Variants in TMEM126A observed in about 807,000 individuals in gnomAD.
TMEM126A encodes transmembrane protein 126A.
Under a neutral mutation model 18.3 loss-of-function variants are expected in TMEM126A, and 10 were observed. That is an observed-to-expected ratio of 0.55 (90% CI 0.34 to 0.93). The LOEUF (loss-of-function observed/expected upper bound fraction) is 0.93. Ranked by LOEUF, TMEM126A falls within the 40% of genes least tolerant of loss-of-function variation. The pLI is 0.02. For missense variants in TMEM126A, 246 were observed against 230.2 expected (o/e 1.07, Z -0.44); for synonymous variants, 68 against 78.1 (o/e 0.87, Z 0.68).
At chr11:85,651,181 G>T (rs1411395038) in intron 2 of TMEM126A, among the ~76,000 whole-genome samples, 1 of 151,174 alleles carries the variant, frequency 6.6e-6, no homozygotes, top group African/African-American at 2.4e-5. Context: ...ACACTTTGTT[G>T]ACAGTCAAGA....
intron 1 of TMEM126A, among the ~76,000 whole-genome samples, chr11:85,648,943 T>G (rs958608742): frequency 4.0e-5 from 6 of 151,426 alleles, no homozygotes; most frequent in African/African-American, 4.9e-5. Context: ...ACTGTTTTTT[T>G]TTTTTTTTTT....
At chr11:85,649,401 TTA>T (rs1354845770) in intron 1 of TMEM126A, among the ~76,000 whole-genome samples, 10 of 152,240 alleles carry the variant, frequency 6.6e-5, no homozygotes, top group Non-Finnish European at 1.0e-4. Context: ...AGAATGATTT[TTA>T]TGTTTTTATA....
At chr11:85,653,957 C>T (rs909855093) in intron 2 of TMEM126A, 106 bp from the exon 3 acceptor site, 6 of 1,307,442 alleles carry the variant, frequency 4.6e-6, no homozygotes, top group South Asian at 3.6e-5. Flanking sequence ...GGATAGATGT[C>T]GTATCCAGTT....
At position 85,655,710 on chromosome 11, in the gene TMEM126A, T is replaced by G. The variant is rs1267909713; in HGVS notation, c.395+2T>G. On this transcript the variant is annotated splice_donor_variant, in intron 4 of 4. Transcript: ENST00000304511. LOFTEE classifies it high-confidence loss of function. ...TGTAAATGGTGGTCTAGCAGCCAGG[T>G]AGGAAATAAAAAACTTTTTATAATA... 5.0e-6 allele frequency: 8 copies of G among 1,606,786 alleles called. No homozygotes were observed. Among genetic ancestry groups the G allele is most frequent in the Non-Finnish European group, 6.8e-6 (8 of 1,173,628 alleles).
chr11:85,654,071 T>C lies in TMEM126A; in HGVS notation c.95T>C (p.Leu32Pro). 2 of 1,614,194 alleles carry C rather than the reference T, an allele frequency of 1.2e-6. No homozygotes were observed. The highest frequency in any genetic ancestry group is 1.3e-5 in the African/African-American group (1 of 75,058). ...TCTTCTCACCCTTTCAGGAATCTAC[T>C]TGAAAATGGATCGGTTTATGTTGGA... The part of the protein sequence containing the change: ...NQLPEAERNL[L>P]ENGSVYVGLN... Residue 32 changes from leucine (L) to proline (P), a missense_variant, in exon 3 of 5, where the codon CTT (leucine) becomes CCT (proline). Leu to Pro is a moderately conservative substitution (Grantham distance 98). Transcript: ENST00000304511.
At chr11:85,654,289 G>A (rs759862219) in intron 3 of TMEM126A, 33 bp downstream of exon 3, 1 of 1,604,498 alleles carries the variant, frequency 6.2e-7, no homozygotes, top group Admixed American at 1.7e-5. Flanking sequence ...CAAAGAGTTT[G>A]CCTTAGTATA....
chr11:85,656,220 A>C, intron 4 of TMEM126A, 89 bp from the exon 5 acceptor site: 1 of 1,138,756 alleles, frequency 8.8e-7, no homozygotes, highest in Non-Finnish European at 1.3e-6. Flanking sequence ...TTTTATCTTA[A>C]GACTTCTAGG....
chr11:85,656,206 T>C (rs2082536896), intron 4 of TMEM126A, 103 bp from the exon 5 acceptor site: 3 of 1,020,708 alleles, frequency 2.9e-6, no homozygotes, highest in Non-Finnish European at 4.4e-6. Context: ...ACTTTAATAT[T>C]CAGTTTTATC....
intron 1 of TMEM126A, among the ~76,000 whole-genome samples, chr11:85,649,981 T>C (rs1474284192): frequency 6.6e-6 from 1 of 152,244 alleles, no homozygotes; most frequent in Non-Finnish European, 1.5e-5. Flanking sequence ...ACTTCAATAC[T>C]GTTAGTTTTA....
chr11:85,651,353 G>A (rs550869805), intron 2 of TMEM126A, among the ~76,000 whole-genome samples: 3 of 152,266 alleles, frequency 2.0e-5, no homozygotes, highest in Admixed American at 2.0e-4. Context: ...TGGGAGTAAG[G>A]ACCAGGAATA....
intron 4 of TMEM126A, 33 bp downstream of exon 4, chr11:85,655,741 T>A (rs1311279291): frequency 2.1e-6 from 3 of 1,445,558 alleles, no homozygotes; most frequent in Non-Finnish European, 2.9e-6. Context: ...TAATATGTGA[T>A]TACCTATAAA....
chr11:85,652,644 T>C (rs2082509499), intron 2 of TMEM126A, among the ~76,000 whole-genome samples: 1 of 152,168 alleles, frequency 6.6e-6, no homozygotes, highest in African/African-American at 2.4e-5. Context: ...AATTTTGTGC[T>C]AACTTTTAAT....
At chr11:85,654,421 C>T (rs969399626) in intron 3 of TMEM126A, among the ~76,000 whole-genome samples, 165 bp downstream of exon 3, 1 of 152,154 alleles carries the variant, frequency 6.6e-6, no homozygotes, top group Non-Finnish European at 1.5e-5. Flanking sequence ...TATGGTCTAC[C>T]AACCAAGATG....
intron 3 of TMEM126A, among the ~76,000 whole-genome samples, chr11:85,655,114 A>G (rs534383170): frequency 1.2e-4 from 18 of 152,316 alleles, no homozygotes; most frequent in Non-Finnish European, 7.4e-5. Flanking sequence ...ATTATTTCAA[A>G]TAAAAATATT....
chr11:85,651,209 A>ATTAT (rs2082497615), intron 2 of TMEM126A, among the ~76,000 whole-genome samples: 1 of 152,226 alleles, frequency 6.6e-6, no homozygotes. Flanking sequence ...TCTGACTATA[A>ATTAT]AAGGATGAAA....
At chr11:85,649,365 C>T (rs2082483368) in intron 1 of TMEM126A, among the ~76,000 whole-genome samples, 1 of 152,214 alleles carries the variant, frequency 6.6e-6, no homozygotes, top group Non-Finnish European at 1.5e-5. Flanking sequence ...CAGCCTATAG[C>T]TTGCCTTGGT....
rs140123526 is a variant in TMEM126A at position 85,656,405 on chromosome 11, G to A, written c.492G>A (p.Leu164=). The part of the protein sequence containing the change: ...PVFRKMLFPI[L]LQTMFSAYLG... Reference sequence around the variant, plus strand: ...TTAGAAAGATGTTATTTCCTATTTTGCTCCAGACTATGTTTTCAGCATACC... The same window carrying A: ...TTAGAAAGATGTTATTTCCTATTTTACTCCAGACTATGTTTTCAGCATACC... The change falls in exon 5 of 5, where the codon TTG becomes TTA. Residue 164 remains leucine (L), a synonymous_variant. Transcript: ENST00000304511. 245 of 1,613,036 alleles carry A rather than the reference G, an allele frequency of 1.5e-4. No homozygotes were observed. Among genetic ancestry groups the A allele is most frequent in the Non-Finnish European group, 1.8e-4 (214 of 1,179,562 alleles).
In TMEM126A at chr11:85,648,936, GTTT is replaced by G. The variant is rs760886814; in HGVS notation, c.-8+862_-8+864del. 7.6e-5 allele frequency among the ~76,000 whole-genome samples: 10 copies of G among 132,406 alleles called. No homozygotes were observed. In the South Asian group the frequency reaches 1.4e-3, roughly 19 times the overall value. 86.9% of individuals were successfully genotyped at this position (132,406 alleles called of 152,430 possible). ...TTTCCTTTGTTGTTATCCCTGAACT[GTTT>G]TTTTTTTTTTTTTTGTAGACCGAGT... On this transcript the variant is annotated intron_variant, in intron 1 of 4. Coordinates refer to ENST00000304511, the MANE Select transcript of TMEM126A (RefSeq NM_032273.4).
intron 2 of TMEM126A, 38 bp downstream of exon 2, chr11:85,650,379 G>C (rs760338725): frequency 7.1e-7 from 1 of 1,405,634 alleles, no homozygotes; most frequent in Non-Finnish European, 1.0e-6. Context: ...CCTTTTATCA[G>C]GTGGATTTTC....
Sources: allele counts gnomAD v4.1 joint callset (sites outside exome capture counted in the v4.1 genomes callset), GRCh38; gene constraint gnomAD v4.1.1; transcripts MANE v1.5; gene names NCBI Gene and HGNC (gene_info 2026-07-23, HGNC 2026-07-21).